Variants in AMER2 observed in about 807,000 individuals in gnomAD.
AMER2 encodes the protein APC membrane recruitment protein 2, also known as family with sequence similarity 123A.
In AMER2, 1 loss-of-function variant was observed where a neutral mutation model predicts 4.7. The ratio of observed to expected loss-of-function variants is 0.21; its 90% CI spans 0.07 to 1.00. The LOEUF (loss-of-function observed/expected upper bound fraction) is 1.00. Among genes scored for constraint, AMER2 ranks in the 50% least tolerant of loss-of-function variants. The pLI is 0.60. For synonymous variants in AMER2, 485 were observed against 433.3 expected (o/e 1.12, Z -1.48); for missense variants, 988 against 966.9 (o/e 1.02, Z -0.29).
rs1329055772 is a variant in AMER2, at chr13:25,161,795, AG to A, written c.*7808del. On this transcript the variant is annotated 3_prime_UTR_variant, in exon 1 of 1. Coordinates refer to ENST00000515384, the MANE Select transcript of AMER2 (RefSeq NM_152704.4). ...TGAATGGAACAAGAAAAGTGCTATT[AG>A]CCCAAGCTTCTTACATTCATTAAAA... 21 of 152,386 alleles carry A rather than the reference AG, an allele frequency of 1.4e-4. No homozygotes were observed. The highest frequency in any genetic ancestry group is 8.3e-4 in the South Asian group (4 of 4,834). 9.4% of individuals were successfully genotyped at this position (152,386 alleles called of 1,614,324 possible).
At position 25,161,920 on chromosome 13, in the gene AMER2, G is replaced by A. The variant is rs1956411881; in HGVS notation, c.*7684C>T. ...AAATACCCAAAATAAAATATTTACA[G>A]GTTTAAAAATATAAACATTGATTCC... is the stretch of plus-strand genomic sequence containing the variant. On this transcript the variant is annotated 3_prime_UTR_variant, in exon 1 of 1. Transcript: ENST00000515384. 1 of 151,850 alleles carries A rather than the reference G, an allele frequency of 6.6e-6. No individual in the cohort carries two copies. Among genetic ancestry groups the A allele is most frequent in the African/African-American group, 2.4e-5 (1 of 41,326 alleles). The allele number at this position is 151,850 out of a possible 1,614,324, so 9.4% of individuals were successfully genotyped here.
rs753821924 is a variant in AMER2 at position 25,171,356 on chromosome 13, G to A, written c.264C>T (p.Asn88=). The A allele has an allele frequency of 2.5e-6, 4 of 1,611,856 alleles. No individual in the cohort carries two copies. In the East Asian group the frequency reaches 8.9e-5, roughly 36 times the overall value. The change falls in exon 1 of 1, where the codon AAC becomes AAT. Residue 88 remains asparagine (N), a synonymous_variant. Transcript: ENST00000515384. This position sits in a 1 kb window ranked among gnomAD's most constrained non-coding sequence, Gnocchi z 5.9. ...GTMPSIFGVK[N]KGDGKSSGPT... ...GACCCGAGCTTTTCCCGTCCCCTTT[G>A]TTTTTGACCCCAAAAATGCTGGGCA...
In AMER2 at chr13:25,165,557, G is replaced by A. The variant is rs947125616; in HGVS notation, c.*4047C>T. 1.3e-5 allele frequency: 2 copies of A among 152,222 alleles called. No individual in the cohort carries two copies. The highest frequency in any genetic ancestry group is 4.8e-5 in the African/African-American group (2 of 41,452). 9.4% of individuals were successfully genotyped at this position (152,222 alleles called of 1,614,324 possible). On this transcript the variant is annotated 3_prime_UTR_variant, in exon 1 of 1. Transcript: ENST00000515384. Reference sequence around the variant, plus strand: ...CTTTTCCTTGCTCTGCCTGGAGGAGGGGAAAGGGAAACTGGGTTAGGTGAA... The same window carrying A: ...CTTTTCCTTGCTCTGCCTGGAGGAGAGGAAAGGGAAACTGGGTTAGGTGAA...
chr13:25,170,510 A>C lies in AMER2; in HGVS notation c.1110T>G (p.Thr370=). Residue 370 remains threonine (T), a synonymous_variant, in exon 1 of 1, where the codon ACT becomes ACG. Transcript: ENST00000515384. The surrounding 1 kb of genome is among the most constrained non-coding windows in gnomAD (Gnocchi z 7.3). ...TAAGAGAGTCAAAGCTTTTCAGTGA[A>C]GTCACGTCAGAAAACATCAAACAAA... The part of the protein sequence containing the change: ...DRICLMFSDV[T]SLKSFDSLTG... 2 of 1,614,212 alleles carry C rather than the reference A, an allele frequency of 1.2e-6. No homozygotes were observed. Among genetic ancestry groups the C allele is most frequent in the Non-Finnish European group, 1.7e-6 (2 of 1,180,028 alleles).
In AMER2 at chr13:25,169,447, G is replaced by A; in HGVS notation, c.*157C>T. On this transcript the variant is annotated 3_prime_UTR_variant, in exon 1 of 1. Coordinates refer to ENST00000515384, the MANE Select transcript of AMER2 (RefSeq NM_152704.4). The surrounding 1 kb of genome is among the most constrained non-coding windows in gnomAD (Gnocchi z 4.2). ...CTGGTGTTATCCGGTCCCTGCTCAG[G>A]GCACAAAGACCTCCTCGGTCCACGC... 5 of 944,892 alleles carry A rather than the reference G, an allele frequency of 5.3e-6. No individual in the cohort carries two copies. Among genetic ancestry groups the A allele is most frequent in the Non-Finnish European group, 7.5e-6 (5 of 665,230 alleles). 58.5% of individuals were successfully genotyped at this position (944,892 alleles called of 1,614,324 possible).
chr13:25,171,016 G>C lies in AMER2; in HGVS notation c.604C>G (p.Arg202Gly), dbSNP rs200189493. ...GCCCGCTTGTCTTTCCTGTGCCAGC[G>C]CATGCCGCTGAACAGCCCCCGCAGC... is the stretch of plus-strand genomic sequence containing the variant. ...RGLRGLFSGM[R>G]WHRKDKRAKA... The change falls in exon 1 of 1, where the codon CGC becomes GGC. Residue 202 changes from arginine to glycine, a missense_variant. By Grantham distance (125) the Arg-to-Gly change is moderately radical. Coordinates refer to ENST00000515384, the MANE Select transcript of AMER2 (RefSeq NM_152704.4). This position sits in a 1 kb window ranked among gnomAD's most constrained non-coding sequence, Gnocchi z 5.9. 12 of 1,568,272 alleles carry C rather than the reference G, an allele frequency of 7.7e-6. No individual in the cohort carries two copies. The African/African-American group carries it at 1.7e-4, about 22-fold the overall frequency.
chr13:25,165,309 A>T lies in AMER2; in HGVS notation c.*4295T>A, dbSNP rs28521036. ...TCTTCAGAGCAAGATGAGGTCTCAC[A>T]ATCAATGGCCGCCTGTGAGGAGCCA... is the stretch of plus-strand genomic sequence containing the variant. On this transcript the variant is annotated 3_prime_UTR_variant, in exon 1 of 1. Coordinates refer to ENST00000515384, the MANE Select transcript of AMER2 (RefSeq NM_152704.4). 7.2e-6 allele frequency: 1 copy of T among 138,512 alleles called. No homozygotes were observed. Among genetic ancestry groups the T allele is most frequent in the Non-Finnish European group, 1.6e-5 (1 of 62,042 alleles). 8.6% of individuals were successfully genotyped at this position (138,512 alleles called of 1,614,324 possible). A position where few individuals can be genotyped will look rare whatever the true frequency, so the allele number is the denominator to read the frequency against.
chr13:25,171,016 G>T lies in AMER2; in HGVS notation c.604C>A (p.Arg202Ser), dbSNP rs200189493. Residue 202 changes from arginine to serine, a missense_variant, in exon 1 of 1, where the codon CGC becomes AGC. Physicochemically the swap from Arg to Ser is moderately radical, Grantham distance 110 (BLOSUM62 -1). Coordinates refer to ENST00000515384, the MANE Select transcript of AMER2 (RefSeq NM_152704.4). The surrounding 1 kb of genome is among the most constrained non-coding windows in gnomAD (Gnocchi z 5.9). The stretch of plus-strand genomic sequence containing the variant: ...GCCCGCTTGTCTTTCCTGTGCCAGC[G>T]CATGCCGCTGAACAGCCCCCGCAGC... ...RGLRGLFSGMRWHRKDKRAKA... is the reference protein window; with the variant it reads ...RGLRGLFSGMSWHRKDKRAKA... 1.9e-6 allele frequency: 3 copies of T among 1,568,164 alleles called. No individual in the cohort carries two copies. Among genetic ancestry groups the T allele is most frequent in the Middle Eastern group, 1.7e-4 (1 of 5,942 alleles).
chr13:25,171,214 G>A lies in AMER2; in HGVS notation c.406C>T (p.Arg136Trp). 1 of 1,365,082 alleles carries A rather than the reference G, an allele frequency of 7.3e-7. No individual in the cohort carries two copies. 84.6% of individuals were successfully genotyped at this position (1,365,082 alleles called of 1,614,324 possible). Residue 136 changes from arginine (R) to tryptophan (W), a missense_variant, in exon 1 of 1, where the codon CGG becomes TGG. Transcript: ENST00000515384. This position sits in a 1 kb window ranked among gnomAD's most constrained non-coding sequence, Gnocchi z 5.9. ...GGDSGGGGGG[R>W]PNPGPPRAAG... Reference sequence around the variant, plus strand: ...GCTCTGGGGGGCCCCGGGTTCGGCCGCCCCCCGCCGCCCCCGCCGCTGTCG... The same window carrying A: ...GCTCTGGGGGGCCCCGGGTTCGGCCACCCCCCGCCGCCCCCGCCGCTGTCG...
At position 25,171,293 on chromosome 13, in the gene AMER2, A is replaced by T; in HGVS notation, c.327T>A (p.Leu109=). 1.3e-6 allele frequency: 2 copies of T among 1,579,732 alleles called. No individual in the cohort carries two copies. Among genetic ancestry groups the T allele is most frequent in the Non-Finnish European group, 8.6e-7 (1 of 1,165,562 alleles). ...GLVRSRTHDG[L]AEVLVLESGR... The stretch of plus-strand genomic sequence containing the variant: ...CGCTCTCCAGCACCAGCACCTCGGC[A>T]AGTCCGTCGTGGGTCCTGCTCCTCA... The change falls in exon 1 of 1, where the codon CTT becomes CTA. Residue 109 remains leucine, a synonymous_variant. Transcript: ENST00000515384. The surrounding 1 kb of genome is among the most constrained non-coding windows in gnomAD (Gnocchi z 5.9).
At position 25,171,275 on chromosome 13, in the gene AMER2, C is replaced by A. The variant is rs781187359; in HGVS notation, c.345G>T (p.Leu115=). 6.4e-7 allele frequency: 1 copy of A among 1,559,876 alleles called. No homozygotes were observed. Among genetic ancestry groups the A allele is most frequent in the Non-Finnish European group, 8.6e-7 (1 of 1,156,170 alleles). Residue 115 remains leucine, a synonymous_variant, in exon 1 of 1, where the codon CTG becomes CTT. Transcript: ENST00000515384. This position sits in a 1 kb window ranked among gnomAD's most constrained non-coding sequence, Gnocchi z 5.9. ...GCGGCTCCTCCTTCCTGCCGCTCTC[C>A]AGCACCAGCACCTCGGCAAGTCCGT... ...THDGLAEVLV[L]ESGRKEEPRG...
chr13:25,170,488 G>T lies in AMER2; in HGVS notation c.1132C>A (p.Leu378Ile), dbSNP rs201615060. The change falls in exon 1 of 1, where the codon CTT becomes ATT. Residue 378 changes from leucine (L) to isoleucine (I), a missense_variant. Physicochemically the swap from Leu to Ile is conservative, Grantham distance 5. Coordinates refer to ENST00000515384, the MANE Select transcript of AMER2 (RefSeq NM_152704.4). The surrounding 1 kb of genome is among the most constrained non-coding windows in gnomAD (Gnocchi z 7.3). The stretch of plus-strand genomic sequence containing the variant: ...GCAATAATATCTCCACAGCCTGTAA[G>T]AGAGTCAAAGCTTTTCAGTGAAGTC... Reference protein sequence around the residue: ...DVTSLKSFDSLTGCGDIIADQ... With the variant: ...DVTSLKSFDSITGCGDIIADQ... The T allele has an allele frequency of 2.7e-4, 442 of 1,614,196 alleles. No individual in the cohort carries two copies. Among genetic ancestry groups the T allele is most frequent in the Non-Finnish European group, 3.5e-4 (410 of 1,180,016 alleles).
Position 25,169,515 on chromosome 13 carries a change from C to A in AMER2, c.*89G>T. 6.7e-7 allele frequency: 1 copy of A among 1,491,756 alleles called. No individual in the cohort carries two copies. Among genetic ancestry groups the A allele is most frequent in the Non-Finnish European group, 8.9e-7 (1 of 1,122,626 alleles). 92.4% of individuals were successfully genotyped at this position (1,491,756 alleles called of 1,614,324 possible). Reference sequence around the variant, plus strand: ...GACGGGTGGTGTCCTAAAAGACTTTCTTTAGGAAAAGCAAAACTTACTTTA... The same window carrying A: ...GACGGGTGGTGTCCTAAAAGACTTTATTTAGGAAAAGCAAAACTTACTTTA... On this transcript the variant is annotated 3_prime_UTR_variant, in exon 1 of 1. Coordinates refer to ENST00000515384, the MANE Select transcript of AMER2 (RefSeq NM_152704.4). This position sits in a 1 kb window ranked among gnomAD's most constrained non-coding sequence, Gnocchi z 4.2.
chr13:25,171,123 A>G lies in AMER2; in HGVS notation c.497T>C (p.Leu166Pro). 1.9e-6 allele frequency: 3 copies of G among 1,556,800 alleles called. No homozygotes were observed. The highest frequency in any genetic ancestry group is 2.6e-6 in the Non-Finnish European group (3 of 1,152,386). Residue 166 changes from leucine to proline, a missense_variant, in exon 1 of 1, where the codon CTG (leucine) becomes CCG (proline). By Grantham distance (98) the Leu-to-Pro change is moderately conservative. Coordinates refer to ENST00000515384, the MANE Select transcript of AMER2 (RefSeq NM_152704.4). This position sits in a 1 kb window ranked among gnomAD's most constrained non-coding sequence, Gnocchi z 5.9. Reference protein sequence around the residue: ...SVAKSHSFFSLLKKNGRSENG... With the variant: ...SVAKSHSFFSPLKKNGRSENG... ...TTCCGAGCGCCCGTTCTTCTTCAGC[A>G]GCGAGAAGAAGCTGTGCGACTTGGC...
rs372911853 is a variant in AMER2 at position 25,169,731 on chromosome 13, G to T, written c.1889C>A (p.Ser630Tyr). The T allele has an allele frequency of 1.9e-6, 3 of 1,614,180 alleles. No homozygotes were observed. Among genetic ancestry groups the T allele is most frequent in the Non-Finnish European group, 2.5e-6 (3 of 1,180,026 alleles). ...TTTTGTTCTGGGCATCTCACTCCTGGAGGGTTGCTGGTGCACCACGGGATG... is the reference window on the plus strand; with the variant it reads ...TTTTGTTCTGGGCATCTCACTCCTGTAGGGTTGCTGGTGCACCACGGGATG... The part of the protein sequence containing the change: ...SSHPVVHQQP[S>Y]RSEMPRTKIP... The change falls in exon 1 of 1, where the codon TCC (serine) becomes TAC (tyrosine). Residue 630 changes from serine (S) to tyrosine (Y), a missense_variant. Coordinates refer to ENST00000515384, the MANE Select transcript of AMER2 (RefSeq NM_152704.4). The surrounding 1 kb of genome is among the most constrained non-coding windows in gnomAD (Gnocchi z 4.2).
rs751498643 is a variant in AMER2 at position 25,171,372 on chromosome 13, A to G, written c.248T>C (p.Ile83Thr). The G allele has an allele frequency of 6.2e-7, 1 of 1,612,556 alleles. No individual in the cohort carries two copies. The highest frequency in any genetic ancestry group is 8.5e-7 in the Non-Finnish European group (1 of 1,179,540). Residue 83 changes from isoleucine to threonine, a missense_variant, in exon 1 of 1, where the codon ATT becomes ACT. Physicochemically the swap from Ile to Thr is moderately conservative, Grantham distance 89. Coordinates refer to ENST00000515384, the MANE Select transcript of AMER2 (RefSeq NM_152704.4). This position sits in a 1 kb window ranked among gnomAD's most constrained non-coding sequence, Gnocchi z 5.9. ...GTCCCCTTTGTTTTTGACCCCAAAAATGCTGGGCATGGTGCCACCCGATTT... is the reference window on the plus strand; with the variant it reads ...GTCCCCTTTGTTTTTGACCCCAAAAGTGCTGGGCATGGTGCCACCCGATTT... ...KRKSGGTMPSIFGVKNKGDGK... is the reference protein window; with the variant it reads ...KRKSGGTMPSTFGVKNKGDGK...
rs1019197116 is a variant in AMER2 at position 25,171,218 on chromosome 13, C to T, written c.402G>A (p.Gly134=). Residue 134 remains glycine, a synonymous_variant, in exon 1 of 1, where the codon GGG becomes GGA. Transcript: ENST00000515384. This position sits in a 1 kb window ranked among gnomAD's most constrained non-coding sequence, Gnocchi z 5.9. ...RGGGDSGGGG[G]GRPNPGPPRA... is the part of the protein sequence containing the mutation. Reference sequence around the variant, plus strand: ...TGGGGGGCCCCGGGTTCGGCCGCCCCCCGCCGCCCCCGCCGCTGTCGCCCC... The same window carrying T: ...TGGGGGGCCCCGGGTTCGGCCGCCCTCCGCCGCCCCCGCCGCTGTCGCCCC... 1 of 1,370,678 alleles carries T rather than the reference C, an allele frequency of 7.3e-7. No homozygotes were observed. The allele number at this position is 1,370,678 out of a possible 1,614,324, so 84.9% of individuals were successfully genotyped here.
chr13:25,169,733 G>A lies in AMER2; in HGVS notation c.1887C>T (p.Pro629=). The change falls in exon 1 of 1, where the codon CCC becomes CCT. Residue 629 remains proline (P), a synonymous_variant. Coordinates refer to ENST00000515384, the MANE Select transcript of AMER2 (RefSeq NM_152704.4). This position sits in a 1 kb window ranked among gnomAD's most constrained non-coding sequence, Gnocchi z 4.2. ...PSSHPVVHQQ[P]SRSEMPRTKI... ...TTGTTCTGGGCATCTCACTCCTGGAGGGTTGCTGGTGCACCACGGGATGGC... is the reference window on the plus strand; with the variant it reads ...TTGTTCTGGGCATCTCACTCCTGGAAGGTTGCTGGTGCACCACGGGATGGC... The A allele has an allele frequency of 6.2e-7, 1 of 1,614,202 alleles. No homozygotes were observed. Among genetic ancestry groups the A allele is most frequent in the Non-Finnish European group, 8.5e-7 (1 of 1,180,032 alleles).
Position 25,171,871 on chromosome 13 carries a change from A to C in AMER2, c.-252T>G, listed in dbSNP as rs542039965. On this transcript the variant is annotated 5_prime_UTR_variant, in exon 1 of 1. Coordinates refer to ENST00000515384, the MANE Select transcript of AMER2 (RefSeq NM_152704.4). This position sits in a 1 kb window ranked among gnomAD's most constrained non-coding sequence, Gnocchi z 5.9. ...GCCGCGAGCTGATTGCAGAAATTCG[A>C]GTCGTAATTATGGAATTCAAATTCC... 5.0e-4 allele frequency: 293 copies of C among 583,906 alleles called. No individual in the cohort carries two copies. The African/African-American group carries it at 5.2e-3, about 10-fold the overall frequency. The allele number at this position is 583,906 out of a possible 1,614,324, so 36.2% of individuals were successfully genotyped here.
Sources: allele counts gnomAD v4.1 joint callset, GRCh38; gene constraint gnomAD v4.1.1; non-coding constraint Gnocchi (gnomAD v3.1); transcripts MANE v1.5; gene names NCBI Gene and HGNC (gene_info 2026-07-23, HGNC 2026-07-21).